SLC35E4: variants seen among roughly 807,000 people sequenced by gnomAD.
SLC35E4 encodes solute carrier family 35, member E4.
A neutral mutation model predicts 19.3 loss-of-function variants in SLC35E4; 15 were observed. The ratio of observed to expected loss-of-function variants is 0.78; its 90% confidence interval spans 0.52 to 1.20. The LOEUF (loss-of-function observed/expected upper bound fraction) is 1.20. Among genes scored for constraint, SLC35E4 ranks in the 50% most tolerant of loss-of-function variants. The probability of loss-of-function intolerance (pLI) is 0.00; values close to 1 mark genes in which losing one functional copy is unlikely to be tolerated. For synonymous variants in SLC35E4, 219 were observed against 219.9 expected (o/e 1.00, Z 0.04); for missense variants, 406 against 472.3 (o/e 0.86, Z 1.30).
At chr22:30,664,623 C>G (rs2088585431), downstream of SLC35E4, among the ~76,000 whole-genome samples, 1 of 152,240 alleles carries the variant, frequency 6.6e-6, no homozygotes, top group African/African-American at 2.4e-5. Flanking sequence ...TGCTGGCAGT[C>G]ACTGAGGAGG....
At chr22:30,666,407 G>C (rs1367194984), downstream of SLC35E4, among the ~76,000 whole-genome samples, 2 of 152,072 alleles carry the variant, frequency 1.3e-5, no homozygotes, top group Non-Finnish European at 2.9e-5. Context: ...GATCACCTGA[G>C]GTCAGGAGTT....
At chr22:30,639,524 A>G (rs2088003119) in intron 1 of SLC35E4, among the ~76,000 whole-genome samples, 1 of 152,190 alleles carries the variant, frequency 6.6e-6, no homozygotes, top group Admixed American at 6.5e-5. Context: ...TGGGAGCGCT[A>G]TGGGAGACTG....
At chr22:30,665,659 CACTT>C (rs1166015872), downstream of SLC35E4, 3 of 400,382 alleles carry the variant, frequency 7.5e-6, no homozygotes, top group South Asian at 1.9e-5. Flanking sequence ...TCCTTCCTAA[CACTT>C]ACTGAAGACG....
chr22:30,651,315 C>A (rs535754930), downstream of SLC35E4, among the ~76,000 whole-genome samples: 7 of 147,898 alleles, frequency 4.7e-5, no homozygotes, highest in Non-Finnish European at 1.0e-4. Flanking sequence ...ATTCTTCTGC[C>A]TCAGCCTCCT....
intron 1 of SLC35E4, among the ~76,000 whole-genome samples, chr22:30,640,369 C>G (rs1211265657): frequency 8.7e-6 from 1 of 115,468 alleles, no homozygotes; most frequent in Admixed American, 9.5e-5. Flanking sequence ...GACTCCATCT[C>G]AAAAAAAAAA....
chr22:30,662,101 T>G (rs1438483200), exon 3 of SLC35E4: 1 of 151,108 alleles, frequency 6.6e-6, no homozygotes, highest in African/African-American at 2.4e-5. Flanking sequence ...TAAAGTGCTG[T>G]GCACAGAAAG....
At position 30,647,776 on chromosome 22, in the gene SLC35E4, C is replaced by G. The variant is rs1221239059; in HGVS notation, c.*745C>G. On this transcript the variant is annotated 3_prime_UTR_variant, in exon 2 of 2. Coordinates refer to ENST00000343605, the MANE Select transcript of SLC35E4 (RefSeq NM_001001479.4). Reference sequence around the variant, plus strand: ...GCCCAGCAGGGGGGCTTCTATGCTGCTGGGCTCCCCTAGGGAGTTGGGGTA... The same window carrying G: ...GCCCAGCAGGGGGGCTTCTATGCTGGTGGGCTCCCCTAGGGAGTTGGGGTA... 1 of 152,164 alleles carries G rather than the reference C, an allele frequency of 6.6e-6. No individual in the cohort carries two copies. Among genetic ancestry groups the G allele is most frequent in the Non-Finnish European group, 1.5e-5 (1 of 68,032 alleles). 9.4% of individuals were successfully genotyped at this position (152,164 alleles called of 1,614,324 possible).
chr22:30,646,022 G>C (rs1210053569), intron 1 of SLC35E4, among the ~76,000 whole-genome samples: 2 of 150,872 alleles, frequency 1.3e-5, no homozygotes, highest in Non-Finnish European at 3.0e-5. Flanking sequence ...TTATCACGTT[G>C]CCCGGGCAGG....
downstream of SLC35E4, chr22:30,663,956 T>C: frequency 1.2e-6 from 2 of 1,614,166 alleles, no homozygotes; most frequent in Non-Finnish European, 1.7e-6. Context: ...GGCCGCTGAC[T>C]GAGGGCTGCC....
In SLC35E4 at chr22:30,636,619, C is replaced by T. The variant is rs532773216; in HGVS notation, c.169C>T (p.Leu57=). The change falls in exon 1 of 2, where the codon CTG becomes TTG. Residue 57 remains leucine (L), a synonymous_variant. Coordinates refer to ENST00000343605, the MANE Select transcript of SLC35E4 (RefSeq NM_001001479.4). ...AGTGGCCATGGCAGCACTGGTGTGG[C>T]TGCTGGCGGGAGCCAGCATGTCAAG... The part of the protein sequence containing the change: ...ARVAMAALVW[L]LAGASMSSLN... 4.4e-6 allele frequency: 7 copies of T among 1,608,920 alleles called. No homozygotes were observed. The highest frequency in any genetic ancestry group is 1.7e-4 in the Middle Eastern group (1 of 6,054).
At chr22:30,648,158 C>T (rs1469725839), downstream of SLC35E4, among the ~76,000 whole-genome samples, 5 of 152,140 alleles carry the variant, frequency 3.3e-5, no homozygotes, top group East Asian at 9.6e-4. Context: ...CTCACTAAAA[C>T]GTGCACATTC....
chr22:30,644,578 C>T (rs553454089), intron 1 of SLC35E4, among the ~76,000 whole-genome samples: 1 of 152,264 alleles, frequency 6.6e-6, no homozygotes, highest in South Asian at 2.1e-4. Context: ...AACCCCATCT[C>T]TACAAAAAAT....
Position 30,637,014 on chromosome 22 carries a change from CT to C in SLC35E4, c.565del (p.Cys189ValfsTer30), listed in dbSNP as rs757787210. The C allele has an allele frequency of 1.3e-6, 2 of 1,596,574 alleles. No individual in the cohort carries two copies. The highest frequency in any genetic ancestry group is 1.7e-6 in the Non-Finnish European group (2 of 1,168,446). ...AGEFRTPPTG[C>X]GFLLAATCLR... Reference sequence around the variant, plus strand: ...GAGAGTTCCGGACACCCCCTACCGGCTGTGGCTTCCTGCTCGCAGCCACCTG... The same window carrying C: ...GAGAGTTCCGGACACCCCCTACCGGCGTGGCTTCCTGCTCGCAGCCACCTG... On this transcript the variant is annotated frameshift_variant, in exon 1 of 2. Coordinates refer to ENST00000343605, the MANE Select transcript of SLC35E4 (RefSeq NM_001001479.4). LOFTEE classifies it high-confidence loss of function.
At chr22:30,664,211 C>G (rs2088573623), downstream of SLC35E4, 1 of 572,950 alleles carries the variant, frequency 1.7e-6, no homozygotes, top group Non-Finnish European at 3.1e-6. Flanking sequence ...CAGAACTACC[C>G]AGCAAACTCA....
At chr22:30,659,409 T>G (rs1268792034) in intron 2 of SLC35E4, among the ~76,000 whole-genome samples, 1 of 152,160 alleles carries the variant, frequency 6.6e-6, no homozygotes, top group Non-Finnish European at 1.5e-5. Context: ...GTTTCACTCT[T>G]ATTGCCCAGG....
chr22:30,646,721 C>T lies in SLC35E4; in HGVS notation c.743C>T (p.Thr248Ile), dbSNP rs2088137246. ...VLEAGVAPPPTAGDSRLWACI... is the reference protein window; with the variant it reads ...VLEAGVAPPPIAGDSRLWACI... ...GAGGCTGGCGTTGCCCCACCGCCCACTGCTGGCGACTCTCGCCTCTGGGCC... is the reference window on the plus strand; with the variant it reads ...GAGGCTGGCGTTGCCCCACCGCCCATTGCTGGCGACTCTCGCCTCTGGGCC... Residue 248 changes from threonine to isoleucine, a missense_variant, in exon 2 of 2, where the codon ACT becomes ATT. Thr to Ile is a moderately conservative substitution (Grantham distance 89). Transcript: ENST00000343605. 2 of 1,613,070 alleles carry T rather than the reference C, an allele frequency of 1.2e-6. No homozygotes were observed.
rs1228649106 is a variant in SLC35E4, at chr22:30,636,639, G to A, written c.189G>A (p.Met63Ile). The part of the protein sequence containing the change: ...ALVWLLAGAS[M>I]SSLNKWIFTV... The stretch of plus-strand genomic sequence containing the variant: ...TGTGGCTGCTGGCGGGAGCCAGCAT[G>A]TCAAGCCTCAACAAGTGGATCTTCA... Residue 63 changes from methionine to isoleucine, a missense_variant, in exon 1 of 2, where the codon ATG (methionine) becomes ATA (isoleucine). Met to Ile is a conservative substitution (Grantham distance 10). Coordinates refer to ENST00000343605, the MANE Select transcript of SLC35E4 (RefSeq NM_001001479.4). 3 of 1,611,194 alleles carry A rather than the reference G, an allele frequency of 1.9e-6. No individual in the cohort carries two copies. Among genetic ancestry groups the A allele is most frequent in the South Asian group, 2.2e-5 (2 of 90,978 alleles).
chr22:30,667,492 C>G (rs1291920747), downstream of SLC35E4: 1 of 152,204 alleles, frequency 6.6e-6, no homozygotes, highest in African/African-American at 2.4e-5. Context: ...GGCGGGTTCG[C>G]TCAGGAAGTA....
chr22:30,661,208 C>CA (rs1220236462), intron 2 of SLC35E4, among the ~76,000 whole-genome samples: 1 of 152,076 alleles, frequency 6.6e-6, no homozygotes, highest in East Asian at 1.9e-4. Flanking sequence ...ACCCCCCCGC[C>CA]AAGTGAAATA....
Sources: gnomAD v4.1 joint callset for allele counts (sites outside exome capture counted in the v4.1 genomes callset) on GRCh38, gnomAD v4.1.1 for gene constraint, MANE v1.5 for transcripts, NCBI Gene and HGNC (gene_info 2026-07-23, HGNC 2026-07-21) for gene names.